Variants in IQCH observed in about 807,000 individuals in gnomAD.
The protein encoded by IQCH is IQ motif containing H, also known as IQ domain-containing protein H.
IQCH carries 98 observed loss-of-function variants against 117.0 expected under a neutral mutation model. The observed-to-expected ratio is 0.84, with a 90% CI of 0.71 to 0.99. The LOEUF (loss-of-function observed/expected upper bound fraction) is 0.99. IQCH is among the 50% of genes least tolerant of loss of function. The pLI is 0.00. For synonymous variants in IQCH, 412 were observed against 448.2 expected (o/e 0.92, Z 1.02); for missense variants, 1,102 against 1,243.8 (o/e 0.89, Z 1.72).
rs1166190850 is a variant in IQCH at position 67,366,443 on chromosome 15, G to A, written c.754-5668G>A. Among the ~76,000 whole-genome samples, 7 of 152,088 alleles carry A rather than the reference G, an allele frequency of 4.6e-5. No homozygotes were observed. Among genetic ancestry groups the A allele is most frequent in the African/African-American group, 1.7e-4 (7 of 41,398 alleles). ...ATCTTCAACCAGATTTTGATCCATC[G>A]TGTGTTTTTGTTCCATGAGAATGCA... On this transcript the variant is annotated intron_variant, in intron 8 of 20. Transcript: ENST00000335894. The surrounding 1 kb of genome is among the most constrained non-coding windows in gnomAD (Gnocchi z 4.4).
At chr15:67,269,099 C>A (rs759297902) in intron 3 of IQCH, among the ~76,000 whole-genome samples, 3 of 149,910 alleles carry the variant, frequency 2.0e-5, no homozygotes, top group Non-Finnish European at 3.0e-5. Context: ...ATGCAAGTAA[C>A]CAGTAAGCAT....
chr15:67,392,306 C>A (rs749887173), intron 12 of IQCH, among the ~76,000 whole-genome samples: 2 of 152,024 alleles, frequency 1.3e-5, no homozygotes, highest in Non-Finnish European at 2.9e-5. Context: ...CCATTCAGTT[C>A]GTTTTCTTTT....
chr15:67,367,818 TA>T (rs1970389173), intron 8 of IQCH, among the ~76,000 whole-genome samples: 1 of 152,162 alleles, frequency 6.6e-6, no homozygotes, highest in African/African-American at 2.4e-5. Context: ...ACACTTCTTA[TA>T]GTACTTATTC....
intron 4 of IQCH, among the ~76,000 whole-genome samples, chr15:67,318,985 G>A (rs1236656288): frequency 2.6e-5 from 4 of 152,338 alleles, no homozygotes; most frequent in African/African-American, 9.6e-5. Context: ...CCAGCACTTT[G>A]GGAGGCCGAG....
At chr15:67,464,957 A>G (rs2082893772) in intron 16 of IQCH, among the ~76,000 whole-genome samples, 170 bp from the exon 17 acceptor site, 1 of 152,198 alleles carries the variant, frequency 6.6e-6, no homozygotes, top group Admixed American at 6.5e-5. Flanking sequence ...ATCAGACTCC[A>G]TCTCTCAGTT....
chr15:67,462,986 G>A (rs1408056958), intron 16 of IQCH, among the ~76,000 whole-genome samples: 1 of 152,188 alleles, frequency 6.6e-6, no homozygotes, highest in Admixed American at 6.5e-5. Context: ...TATTATAAAA[G>A]GGCATTACTG....
Position 67,455,603 on chromosome 15 carries a change from G to C in IQCH, c.2506-9524G>C, listed in dbSNP as rs113206246. On this transcript the variant is annotated intron_variant, in intron 16 of 20. Transcript: ENST00000335894. ...AATGCCACATGCTCATCCTTACCGA[G>C]AGAGGATTTTGCTTTGCACGATGGT... 4.1e-3 allele frequency among the ~76,000 whole-genome samples: 626 copies of C among 152,286 alleles called. 4 individuals carry two copies. Among genetic ancestry groups the C allele is most frequent in the South Asian group, 0.028 (134 of 4,820 alleles).
Position 67,422,783 on chromosome 15 carries a change from A to G in IQCH, c.2505+1206A>G, listed in dbSNP as rs1297941578. On this transcript the variant is annotated intron_variant, in intron 16 of 20. Coordinates refer to ENST00000335894, the MANE Select transcript of IQCH (RefSeq NM_001031715.3). This position sits in a 1 kb window ranked among gnomAD's most constrained non-coding sequence, Gnocchi z 4.7. ...CACTTTGCTTTTCCCACCTAAAAGT[A>G]TAATGTTAAAGTTCACTACTATTTC... 6.6e-6 allele frequency among the ~76,000 whole-genome samples: 1 copy of G among 152,224 alleles called. No homozygotes were observed. The highest frequency in any genetic ancestry group is 1.9e-4 in the East Asian group (1 of 5,204).
intron 4 of IQCH, among the ~76,000 whole-genome samples, chr15:67,306,531 G>A (rs977357715): frequency 7.2e-5 from 11 of 152,066 alleles, no homozygotes; most frequent in African/African-American, 2.4e-4. Flanking sequence ...TGAATATGTA[G>A]CCAATTTCCA....
At chr15:67,267,537 TG>T (rs1244871221) in intron 3 of IQCH, among the ~76,000 whole-genome samples, 1 of 152,196 alleles carries the variant, frequency 6.6e-6, no homozygotes, top group Admixed American at 6.5e-5. Flanking sequence ...TATGAACGAT[TG>T]GAGTGCCTCT....
chr15:67,487,417 A>G (rs2083516023), intron 18 of IQCH, among the ~76,000 whole-genome samples: 2 of 124,830 alleles, frequency 1.6e-5, no homozygotes. Flanking sequence ...CCTGAGCACA[A>G]AACTTAAGGA....
intron 3 of IQCH, among the ~76,000 whole-genome samples, chr15:67,268,035 T>C (rs1965749213): frequency 1.3e-5 from 2 of 152,174 alleles, no homozygotes; most frequent in Admixed American, 6.5e-5. Flanking sequence ...AGAGGTTATG[T>C]AAACCAGTCC....
chr15:67,434,405 A>C (rs1367746804), intron 16 of IQCH, among the ~76,000 whole-genome samples: 1 of 152,208 alleles, frequency 6.6e-6, no homozygotes, highest in Non-Finnish European at 1.5e-5. Flanking sequence ...CATGAATGAC[A>C]GAATTTCCTT....
intron 4 of IQCH, among the ~76,000 whole-genome samples, chr15:67,295,807 G>T (rs1212049403): frequency 1.3e-5 from 2 of 152,042 alleles, no homozygotes; most frequent in South Asian, 2.1e-4. Flanking sequence ...TCCTATTAAG[G>T]CCAGCCTCTT....
rs756524127 is a variant in IQCH at position 67,416,517 on chromosome 15, C to CAA, written c.2098-404_2098-403dup. Among the ~76,000 whole-genome samples the CAA allele has an allele frequency of 1.6e-5, 2 of 126,638 alleles. No individual in the cohort carries two copies. 83.1% of individuals were successfully genotyped at this position (126,638 alleles called of 152,430 possible). A position where few individuals can be genotyped will look rare whatever the true frequency, so the allele number is the denominator to read the frequency against. ...GGGCAACAAGAGCAAAACTGCGTCT[C>CAA]AAAAAAAAAAAGAAAAAACAAAAAA... On this transcript the variant is annotated intron_variant, in intron 14 of 20. Transcript: ENST00000335894. This position sits in a 1 kb window ranked among gnomAD's most constrained non-coding sequence, Gnocchi z 5.1.
intron 4 of IQCH, among the ~76,000 whole-genome samples, chr15:67,325,353 ATATCTAAACATCATCTTG>A (rs1358722841): frequency 3.9e-5 from 6 of 152,154 alleles, no homozygotes; most frequent in African/African-American, 1.4e-4. Context: ...TATAACACAT[ATATCTAAACATCATCTTG>A]TATGCTTTAA....
rs996048748 is a variant in IQCH at position 67,372,722 on chromosome 15, C to T, written c.1305+60C>T. 6 of 1,425,842 alleles carry T rather than the reference C, an allele frequency of 4.2e-6. No homozygotes were observed. The African/African-American group carries it at 7.2e-5, about 17-fold the overall frequency. The allele number at this position is 1,425,842 out of a possible 1,614,324, so 88.3% of individuals were successfully genotyped here. ...TTTTTCTAAACATTTCGTGCTTGAG[C>T]GGTTGTAATAAGTTGTCTCTATCTT... is the stretch of plus-strand genomic sequence containing the variant. On this transcript the variant is annotated intron_variant, in intron 9 of 20. Transcript: ENST00000335894.
At chr15:67,478,328 TGA>T (rs2083256925) in intron 18 of IQCH, among the ~76,000 whole-genome samples, 1 of 151,704 alleles carries the variant, frequency 6.6e-6, no homozygotes, top group African/African-American at 2.4e-5. Context: ...GAGGTTGCAG[TGA>T]GTCAAGATCG....
Position 67,454,358 on chromosome 15 carries a change from G to A in IQCH, c.2506-10769G>A, listed in dbSNP as rs1357544759. Among the ~76,000 whole-genome samples the A allele has an allele frequency of 6.6e-6, 1 of 152,284 alleles. No homozygotes were observed. The highest frequency in any genetic ancestry group is 2.4e-5 in the African/African-American group (1 of 41,560). Reference sequence around the variant, plus strand: ...CTGTAGACCGGAGCTGTTCGTATTCGGCCATCTTGGCTCTGGTCTTGATCT... The same window carrying A: ...CTGTAGACCGGAGCTGTTCGTATTCAGCCATCTTGGCTCTGGTCTTGATCT... On this transcript the variant is annotated intron_variant, in intron 16 of 20. Coordinates refer to ENST00000335894, the MANE Select transcript of IQCH (RefSeq NM_001031715.3). The surrounding 1 kb of genome is among the most constrained non-coding windows in gnomAD (Gnocchi z 5.2).
Sources: allele counts gnomAD v4.1 joint callset (sites outside exome capture counted in the v4.1 genomes callset), GRCh38; gene constraint gnomAD v4.1.1; non-coding constraint Gnocchi (gnomAD v3.1); transcripts MANE v1.5; gene names NCBI Gene and HGNC (gene_info 2026-07-23, HGNC 2026-07-21).